The following CNTNAP5 variants were observed in gnomAD, a reference collection of about 807,000 sequenced individuals.
CNTNAP5 encodes contactin-associated protein-like 5.
In CNTNAP5, 72 loss-of-function variants were observed where a neutral mutation model predicts 150.2. The ratio of observed to expected loss-of-function variants is 0.48; its 90% CI spans 0.40 to 0.58. CNTNAP5 has a LOEUF of 0.58. CNTNAP5 is among the 20% of genes least tolerant of loss of function. The pLI is 0.00. For synonymous variants in CNTNAP5, 672 were observed against 619.8 expected, an observed-to-expected ratio of 1.08 and a Z score of -1.25; for missense variants, 1,636 against 1,626.2, an observed-to-expected ratio of 1.01 and a Z score of -0.10.
chr2:124,584,866 C>T (rs888940498), intron 11 of CNTNAP5, among the ~76,000 whole-genome samples: 3 of 152,014 alleles, frequency 2.0e-5, no homozygotes, highest in African/African-American at 4.8e-5. Flanking sequence ...TTTTGTTTTC[C>T]GCATTTAGAG....
chr2:124,477,490 G>A (rs1693668759), intron 7 of CNTNAP5, among the ~76,000 whole-genome samples: 1 of 152,154 alleles, frequency 6.6e-6, no homozygotes, highest in East Asian at 1.9e-4. Context: ...GGAAAAGTTA[G>A]GATGATGCTA....
At chr2:124,281,704 T>C (rs546490100) in intron 3 of CNTNAP5, among the ~76,000 whole-genome samples, 2 of 152,130 alleles carry the variant, frequency 1.3e-5, no homozygotes. Context: ...ACAGGAGAAA[T>C]GAGCTTTTGC....
At chr2:124,330,111 AT>A (rs1251113976) in intron 3 of CNTNAP5, among the ~76,000 whole-genome samples, 3 of 152,064 alleles carry the variant, frequency 2.0e-5, no homozygotes, top group Non-Finnish European at 4.4e-5. Context: ...AGGAAGTGAC[AT>A]TTTTTACTTA....
At chr2:124,069,467 T>C (rs1434668471) in intron 1 of CNTNAP5, among the ~76,000 whole-genome samples, 2 of 152,100 alleles carry the variant, frequency 1.3e-5, no homozygotes, top group Non-Finnish European at 2.9e-5. Flanking sequence ...TATCTGCTGA[T>C]TGTAGATCCC....
At chr2:124,213,425 A>G (rs1006811084) in intron 1 of CNTNAP5, among the ~76,000 whole-genome samples, 2 of 152,222 alleles carry the variant, frequency 1.3e-5, no homozygotes, top group African/African-American at 4.8e-5. Context: ...TCATCCCAAG[A>G]GAAAACAACA....
At chr2:124,703,258 CCTGCCTTCCTGT>C (rs150524474) in intron 13 of CNTNAP5, among the ~76,000 whole-genome samples, 24,239 of 151,222 alleles carry the variant, frequency 0.16, 2,242 homozygotes, top group East Asian at 0.24. Context: ...CTTCTTCCTT[CCTGCCTTCCTGT>C]CTGCCTTCCT....
intron 5 of CNTNAP5, among the ~76,000 whole-genome samples, chr2:124,435,515 G>GA (rs1033838188): frequency 3.3e-5 from 5 of 150,410 alleles, no homozygotes. Context: ...GAGATAAGCT[G>GA]AAAAAAAAAG....
intron 22 of CNTNAP5, among the ~76,000 whole-genome samples, chr2:124,908,509 G>A (rs1377451006): frequency 6.6e-6 from 1 of 152,148 alleles, no homozygotes; most frequent in Non-Finnish European, 1.5e-5. Context: ...ATAGACAGTG[G>A]TCCTATAAGA....
At chr2:124,099,095 G>A (rs1001779413) in intron 1 of CNTNAP5, among the ~76,000 whole-genome samples, 4 of 152,114 alleles carry the variant, frequency 2.6e-5, no homozygotes, top group African/African-American at 4.8e-5. Flanking sequence ...GACTCATGCC[G>A]CATATATCCA....
chr2:124,706,903 G>GAGGAA (rs1198276001), intron 13 of CNTNAP5, among the ~76,000 whole-genome samples: 1 of 11,248 alleles, frequency 8.9e-5, no homozygotes, highest in Non-Finnish European at 2.0e-4. Context: ...GGAAGAAGAA[G>GAGGAA]GAGGAGGAGG....
intron 1 of CNTNAP5, among the ~76,000 whole-genome samples, chr2:124,118,260 G>A (rs1456499013): frequency 6.6e-6 from 1 of 151,940 alleles, no homozygotes; most frequent in Non-Finnish European, 1.5e-5. Flanking sequence ...AGCCTATAAA[G>A]CCAAATGTAT....
chr2:124,565,891 G>A (rs1030883149), intron 11 of CNTNAP5, among the ~76,000 whole-genome samples: 4 of 151,058 alleles, frequency 2.6e-5, no homozygotes, highest in Non-Finnish European at 5.9e-5. Flanking sequence ...GAGCCACCAC[G>A]CCCGGCCTTT....
chr2:124,065,013 T>G lies in CNTNAP5; in HGVS notation c.82+39281T>G, dbSNP rs556400659. ...TAATTATTTGTTGGATTAATTCTTT[T>G]TATTTTTGTAGGTCCTCGTTTGTGT... On this transcript the variant is annotated intron_variant, in intron 1 of 23. Transcript: ENST00000682447. Among the ~76,000 whole-genome samples, 37 of 152,318 alleles carry G rather than the reference T, an allele frequency of 2.4e-4. 1 individual carries two copies. Among genetic ancestry groups the G allele is most frequent in the African/African-American group, 8.9e-4 (37 of 41,588 alleles).
At chr2:124,108,615 A>G (rs529982660) in intron 1 of CNTNAP5, among the ~76,000 whole-genome samples, 2 of 152,310 alleles carry the variant, frequency 1.3e-5, no homozygotes, top group South Asian at 4.1e-4. Flanking sequence ...TCATGTGCAC[A>G]TTAGAAGTAT....
intron 6 of CNTNAP5, among the ~76,000 whole-genome samples, chr2:124,469,704 C>G (rs139461895): frequency 1.3e-5 from 2 of 152,210 alleles, no homozygotes; most frequent in African/African-American, 4.8e-5. Flanking sequence ...CATCCATTAG[C>G]TATTCTTCCT....
intron 1 of CNTNAP5, among the ~76,000 whole-genome samples, chr2:124,185,118 A>G (rs1383469218): frequency 1.3e-5 from 2 of 152,238 alleles, no homozygotes; most frequent in East Asian, 3.9e-4. Flanking sequence ...CTGCACATAT[A>G]CACATATTCT....
chr2:124,606,228 C>T (rs1467526371), intron 11 of CNTNAP5, among the ~76,000 whole-genome samples: 2 of 151,954 alleles, frequency 1.3e-5, no homozygotes, highest in African/African-American at 4.8e-5. Flanking sequence ...AAATAGTAAT[C>T]ATTGATGTAG....
At chr2:124,034,875 G>A (rs189448907) in intron 1 of CNTNAP5, among the ~76,000 whole-genome samples, 2 of 152,230 alleles carry the variant, frequency 1.3e-5, no homozygotes, top group East Asian at 3.9e-4. Flanking sequence ...GTGTACTACT[G>A]AAGTCTGTTT....
rs148286931 is a variant in CNTNAP5 at position 124,797,925 on chromosome 2, A to G, written c.2993-171A>G. ...GCATTAAGTTTTTCATTTGTAAATTAAGAATAGTGACTTCTGCCACTTCAA... is the reference window on the plus strand; with the variant it reads ...GCATTAAGTTTTTCATTTGTAAATTGAGAATAGTGACTTCTGCCACTTCAA... On this transcript the variant is annotated intron_variant, in intron 18 of 23. Coordinates refer to ENST00000682447, the MANE Select transcript of CNTNAP5 (RefSeq NM_001367498.1). Among the ~76,000 whole-genome samples the G allele has an allele frequency of 4.4e-3, 673 of 152,300 alleles. 7 individuals carry two copies. Among genetic ancestry groups the G allele is most frequent in the African/African-American group, 0.014 (567 of 41,560 alleles).
Sources: allele counts gnomAD v4.1 joint callset (sites outside exome capture counted in the v4.1 genomes callset), GRCh38; gene constraint gnomAD v4.1.1; transcripts MANE v1.5; gene names NCBI Gene and HGNC (gene_info 2026-07-23, HGNC 2026-07-21).